The following MEIS1 variants were observed in gnomAD, a reference collection of about 807,000 sequenced individuals.
MEIS1 encodes Meis homeobox 1.
A neutral mutation model predicts 50.8 loss-of-function variants in MEIS1; 5 were observed. The ratio of observed to expected loss-of-function variants is 0.10; its 90% CI spans 0.05 to 0.21. The LOEUF is 0.21. Among genes scored for constraint, MEIS1 ranks in the 10% least tolerant of loss-of-function variants. MEIS1 has a pLI of 1.00. For synonymous variants in MEIS1, 176 were observed against 179.3 expected (o/e 0.98, Z 0.15); for missense variants, 318 against 517.3 (o/e 0.61, Z 3.74).
chr2:66,517,660 C>T (rs1674003050), intron 8 of MEIS1, among the ~76,000 whole-genome samples: 1 of 152,142 alleles, frequency 6.6e-6, no homozygotes, highest in Non-Finnish European at 1.5e-5. Flanking sequence ...GATAAGGACC[C>T]TGACTATTTT....
chr2:66,561,132 G>C (rs1675203354), intron 9 of MEIS1, among the ~76,000 whole-genome samples: 1 of 152,086 alleles, frequency 6.6e-6, no homozygotes, highest in African/African-American at 2.4e-5. Flanking sequence ...AAATTTCAGA[G>C]TGATTTTTTT....
intron 7 of MEIS1, among the ~76,000 whole-genome samples, chr2:66,485,936 T>C (rs1002875263): frequency 3.3e-5 from 5 of 152,244 alleles, no homozygotes; most frequent in Middle Eastern, 3.2e-3. Flanking sequence ...ACCCACTTTT[T>C]CATGGGATTG....
Position 66,435,826 on chromosome 2 carries a change from A to C in MEIS1, c.-31A>C. ...CTGGCCTTAAAGAGGATATATTAGA[A>C]GTTGAAGTAGGAAGGGAGCCAGAGA... On this transcript the variant is annotated 5_prime_UTR_variant, in exon 1 of 13. Transcript: ENST00000272369. The C allele has an allele frequency of 1.3e-6, 2 of 1,554,972 alleles. No homozygotes were observed. Among genetic ancestry groups the C allele is most frequent in the South Asian group, 1.2e-5 (1 of 83,106 alleles).
intron 9 of MEIS1, among the ~76,000 whole-genome samples, chr2:66,552,379 G>C (rs187356426): frequency 2.0e-5 from 3 of 152,212 alleles, no homozygotes; most frequent in Admixed American, 1.3e-4. Context: ...CTCTGAGAAG[G>C]CAATATGGGT....
At chr2:66,444,754 T>A (rs555721749) in intron 6 of MEIS1, among the ~76,000 whole-genome samples, 98 of 152,322 alleles carry the variant, frequency 6.4e-4, no homozygotes, top group African/African-American at 2.1e-3. Flanking sequence ...CTCGAGTAGC[T>A]GCTGTGGAAT....
At chr2:66,450,345 C>T (rs1672248999) in intron 6 of MEIS1, among the ~76,000 whole-genome samples, 1 of 152,064 alleles carries the variant, frequency 6.6e-6, no homozygotes, top group Non-Finnish European at 1.5e-5. Flanking sequence ...TCCTGGCATG[C>T]ACTTATAGTC....
At chr2:66,450,460 T>G (rs1672251927) in intron 6 of MEIS1, among the ~76,000 whole-genome samples, 1 of 152,068 alleles carries the variant, frequency 6.6e-6, no homozygotes, top group Non-Finnish European at 1.5e-5. Context: ...AAAAAATCCT[T>G]AAATGAAATC....
intron 8 of MEIS1, among the ~76,000 whole-genome samples, chr2:66,539,288 T>C (rs1674593362): frequency 6.6e-6 from 1 of 152,208 alleles, no homozygotes; most frequent in South Asian, 2.1e-4. Context: ...TTTTCTGACT[T>C]ACAGCAAGAT....
At chr2:66,516,622 T>C (rs1032020838) in intron 8 of MEIS1, among the ~76,000 whole-genome samples, 3 of 151,966 alleles carry the variant, frequency 2.0e-5, no homozygotes, top group Admixed American at 6.6e-5. Flanking sequence ...AATTTATGTC[T>C]TGATTTCTGA....
intron 7 of MEIS1, among the ~76,000 whole-genome samples, chr2:66,487,996 C>T (rs1426045635): frequency 6.6e-6 from 1 of 152,174 alleles, no homozygotes; most frequent in Admixed American, 6.5e-5. Context: ...CCTTAATACC[C>T]GAGTTTCCTG....
intron 7 of MEIS1, among the ~76,000 whole-genome samples, chr2:66,502,722 G>T (rs1410617740): frequency 6.6e-6 from 1 of 152,120 alleles, no homozygotes; most frequent in Admixed American, 6.5e-5. Flanking sequence ...TCTAGGGGAG[G>T]GATACTATGC....
At chr2:66,566,992 G>A (rs1675364990) in intron 9 of MEIS1, among the ~76,000 whole-genome samples, 1 of 152,102 alleles carries the variant, frequency 6.6e-6, no homozygotes, top group African/African-American at 2.4e-5. Flanking sequence ...ATAGAATTAG[G>A]TTTGCAAGAG....
At chr2:66,494,123 A>G (rs1269646256) in intron 7 of MEIS1, among the ~76,000 whole-genome samples, 2 of 151,020 alleles carry the variant, frequency 1.3e-5, no homozygotes, top group Non-Finnish European at 2.9e-5. Context: ...GTGACAAAAA[A>G]AGAGTGGCAT....
At chr2:66,540,740 A>G (rs1390749576) in intron 8 of MEIS1, among the ~76,000 whole-genome samples, 1 of 152,262 alleles carries the variant, frequency 6.6e-6, no homozygotes, top group Non-Finnish European at 1.5e-5. Flanking sequence ...TAGGAAGAGG[A>G]TATAAGTAAT....
intron 8 of MEIS1, among the ~76,000 whole-genome samples, chr2:66,542,751 A>G (rs550013526): frequency 2.6e-5 from 4 of 152,268 alleles, no homozygotes; most frequent in African/African-American, 7.2e-5. Flanking sequence ...ACAATGTGCT[A>G]TTAGAGTGGC....
intron 8 of MEIS1, among the ~76,000 whole-genome samples, chr2:66,535,868 C>G (rs1298941765): frequency 6.6e-6 from 1 of 151,944 alleles, no homozygotes; most frequent in Non-Finnish European, 1.5e-5. Flanking sequence ...AAATATAGTG[C>G]TGAATAATCT....
rs1553373476 is a variant in MEIS1 at position 66,473,412 on chromosome 2, A to ATATG, written c.742+9195_742+9196insGTAT. ...AAAAAAAAAAAATATATATATATAT[A>ATATG]TATATAGTAATATAAGTGCTCTGTT... On this transcript the variant is annotated intron_variant, in intron 7 of 12. Transcript: ENST00000272369. Among the ~76,000 whole-genome samples the ATATG allele has an allele frequency of 7.5e-4, 107 of 142,026 alleles. 3 individuals carry two copies. The highest frequency in any genetic ancestry group is 3.6e-3 in the Middle Eastern group (1 of 276). The allele number at this position is 142,026 out of a possible 152,430, so 93.2% of individuals were successfully genotyped here.
At chr2:66,499,355 GA>G (rs1482763987) in intron 7 of MEIS1, among the ~76,000 whole-genome samples, 1 of 151,998 alleles carries the variant, frequency 6.6e-6, no homozygotes, top group Non-Finnish European at 1.5e-5. Flanking sequence ...TACCTGGACA[GA>G]ATAGCATCTC....
chr2:66,536,652 T>C (rs550976224), intron 8 of MEIS1, among the ~76,000 whole-genome samples: 1 of 152,352 alleles, frequency 6.6e-6, no homozygotes, highest in African/African-American at 2.4e-5. Context: ...TGCAAAAATC[T>C]ACACATATGA....
Sources: gnomAD v4.1 joint callset for allele counts (sites outside exome capture counted in the v4.1 genomes callset) on GRCh38, gnomAD v4.1.1 for gene constraint, MANE v1.5 for transcripts, NCBI Gene and HGNC (gene_info 2026-07-23, HGNC 2026-07-21) for gene names.